ARHGAP15: variants seen among roughly 807,000 people sequenced by gnomAD.
The protein encoded by ARHGAP15 is Rho GTPase activating protein 15.
In ARHGAP15, 51 loss-of-function variants were observed where a neutral mutation model predicts 63.7. The ratio of observed to expected loss-of-function variants is 0.80; its 90% CI spans 0.64 to 1.01. The LOEUF (loss-of-function observed/expected upper bound fraction) is 1.01, where lower values mean the gene tolerates loss of function less well. Ranked by LOEUF, ARHGAP15 falls within the 50% of genes least tolerant of loss-of-function variation. ARHGAP15 has a pLI of 0.00. For synonymous variants in ARHGAP15, 191 were observed against 193.8 expected, an observed-to-expected ratio of 0.99 and a Z score of 0.12; for missense variants, 560 against 564.6, an observed-to-expected ratio of 0.99 and a Z score of 0.08.
chr2:143,543,013 A>G (rs1202724110), intron 10 of ARHGAP15, among the ~76,000 whole-genome samples: 2 of 151,508 alleles, frequency 1.3e-5, no homozygotes, highest in Admixed American at 6.6e-5. Context: ...ATAAGAATGC[A>G]GATATCTTTT....
chr2:143,267,897 A>G (rs1681076497), intron 6 of ARHGAP15, among the ~76,000 whole-genome samples: 1 of 152,090 alleles, frequency 6.6e-6, no homozygotes, highest in Admixed American at 6.5e-5. Flanking sequence ...CCATGTGGGC[A>G]TGTATACTAA....
chr2:143,520,179 A>T (rs547516276), intron 10 of ARHGAP15, among the ~76,000 whole-genome samples: 1 of 152,298 alleles, frequency 6.6e-6, no homozygotes, highest in Admixed American at 6.5e-5. Context: ...GTGTTTTCAG[A>T]AAAAAGGATT....
chr2:143,257,369 CAAAAG>C (rs1423949420), intron 6 of ARHGAP15, among the ~76,000 whole-genome samples: 4 of 152,042 alleles, frequency 2.6e-5, no homozygotes, highest in African/African-American at 9.7e-5. Flanking sequence ...TAACATAAAA[CAAAAG>C]AAAAAAGTCA....
At chr2:143,579,988 TCTTCAA>T (rs1179089030) in intron 11 of ARHGAP15, among the ~76,000 whole-genome samples, 2 of 95,076 alleles carry the variant, frequency 2.1e-5, no homozygotes, top group South Asian at 2.8e-4. Context: ...AACAAATGTT[TCTTCAA>T]AACATTTGTT....
intron 13 of ARHGAP15, among the ~76,000 whole-genome samples, chr2:143,730,892 T>TA (rs1158246680): frequency 0.078 from 6,510 of 83,948 alleles, 327 homozygotes; most frequent in Non-Finnish European, 0.11. Context: ...AGCACTCCTT[T>TA]AAAAAAAAAA....
chr2:143,645,262 T>C (rs550958885), intron 12 of ARHGAP15, among the ~76,000 whole-genome samples: 8 of 152,204 alleles, frequency 5.3e-5, no homozygotes, highest in African/African-American at 1.9e-4. Context: ...AGAAAAGATC[T>C]GCAGATTGAA....
chr2:143,180,240 T>C (rs1173118067), intron 2 of ARHGAP15, among the ~76,000 whole-genome samples: 2 of 152,266 alleles, frequency 1.3e-5, no homozygotes, highest in Admixed American at 6.5e-5. Flanking sequence ...ACTGAGTTTA[T>C]GGAATATTCC....
intron 6 of ARHGAP15, among the ~76,000 whole-genome samples, chr2:143,411,825 G>T (rs763770129): frequency 9.9e-5 from 15 of 152,188 alleles, no homozygotes; most frequent in Non-Finnish European, 2.1e-4. Flanking sequence ...GTAATAGCAA[G>T]TAGTGAGAAA....
chr2:143,586,872 A>ACTCAAT (rs1311605139), intron 11 of ARHGAP15, among the ~76,000 whole-genome samples: 1 of 151,810 alleles, frequency 6.6e-6, no homozygotes, highest in Non-Finnish European at 1.5e-5. Context: ...GGGCAATTTT[A>ACTCAAT]CTCAATCTCA....
chr2:143,576,107 C>T (rs980978591), intron 11 of ARHGAP15, among the ~76,000 whole-genome samples: 2 of 152,132 alleles, frequency 1.3e-5, no homozygotes, highest in South Asian at 2.1e-4. Context: ...TGTTCATTAA[C>T]ACCCAAATCT....
intron 6 of ARHGAP15, among the ~76,000 whole-genome samples, chr2:143,304,225 C>T (rs535300943): frequency 5.5e-4 from 83 of 152,112 alleles, no homozygotes; most frequent in Non-Finnish European, 9.6e-4. Flanking sequence ...CAATGATAGA[C>T]TGGATTAAGA....
At chr2:143,437,523 G>A (rs1269538984) in intron 8 of ARHGAP15, among the ~76,000 whole-genome samples, 1 of 152,132 alleles carries the variant, frequency 6.6e-6, no homozygotes, top group Non-Finnish European at 1.5e-5. Flanking sequence ...TATGGGATGT[G>A]AATTAGATGT....
intron 5 of ARHGAP15, among the ~76,000 whole-genome samples, chr2:143,240,039 G>C (rs998338676): frequency 1.4e-5 from 2 of 143,052 alleles, no homozygotes; most frequent in Non-Finnish European, 3.0e-5. Context: ...TGCACACATG[G>C]TGGTCATGCA....
intron 11 of ARHGAP15, among the ~76,000 whole-genome samples, chr2:143,584,008 C>A (rs1426947649): frequency 6.6e-6 from 1 of 152,152 alleles, no homozygotes; most frequent in Admixed American, 6.6e-5. Context: ...AGTTTGCATT[C>A]TCCTTTGACT....
intron 10 of ARHGAP15, among the ~76,000 whole-genome samples, chr2:143,537,213 T>G (rs563027598): frequency 0.31 from 47,476 of 151,742 alleles, 7,977 homozygotes; most frequent in East Asian, 0.42. Context: ...TTGCCCACTT[T>G]TTGACGAGGT....
intron 11 of ARHGAP15, among the ~76,000 whole-genome samples, chr2:143,618,673 A>G (rs1698535314): frequency 6.6e-6 from 1 of 152,188 alleles, no homozygotes; most frequent in Non-Finnish European, 1.5e-5. Context: ...TGACTTGGTT[A>G]CTCTTCTATT....
intron 1 of ARHGAP15, among the ~76,000 whole-genome samples, chr2:143,152,570 C>G (rs1433496733): frequency 6.6e-6 from 1 of 151,968 alleles, no homozygotes; most frequent in Admixed American, 6.6e-5. Flanking sequence ...GTGCCTGCCA[C>G]TTAGGAGAAT....
At chr2:143,762,225 T>C (rs994268709) in intron 13 of ARHGAP15, among the ~76,000 whole-genome samples, 1 of 152,192 alleles carries the variant, frequency 6.6e-6, no homozygotes, top group African/African-American at 2.4e-5. Flanking sequence ...TTCCCAAATA[T>C]TGACATAAGG....
At chr2:143,400,766 T>C (rs1052169625) in intron 6 of ARHGAP15, among the ~76,000 whole-genome samples, 1 of 152,064 alleles carries the variant, frequency 6.6e-6, no homozygotes, top group Admixed American at 6.6e-5. Context: ...TAAGATGACA[T>C]ATAGTAGAGA....
Sources: allele counts gnomAD v4.1 joint callset (sites outside exome capture counted in the v4.1 genomes callset), GRCh38; gene constraint gnomAD v4.1.1; transcripts MANE v1.5; gene names NCBI Gene and HGNC (gene_info 2026-07-23, HGNC 2026-07-21).